The following OR2L13 variants were observed in gnomAD, a reference collection of about 807,000 sequenced individuals.
OR2L13 encodes olfactory receptor 2L13.
A neutral mutation model predicts 15.3 loss-of-function variants in OR2L13; 14 were observed. The ratio of observed to expected loss-of-function variants is 0.91; its 90% CI spans 0.60 to 1.43. The LOEUF is 1.43. Among genes scored for constraint, OR2L13 ranks in the 40% most tolerant of loss-of-function variants. The pLI is 0.00. For missense variants in OR2L13, 367 were observed against 387.9 expected, an observed-to-expected ratio of 0.95 and a Z score of 0.45; for synonymous variants, 152 against 142.9, an observed-to-expected ratio of 1.06 and a Z score of -0.45.
chr1:248,084,107 G>A, the OR2L13 span: 1 of 1,611,720 alleles, frequency 6.2e-7, no homozygotes, highest in Non-Finnish European at 8.5e-7. Context: ...AATATGGGAA[G>A]CTCAGGGTAG....
chr1:247,943,929 A>G, the OR2L13 span, among the ~76,000 whole-genome samples: 1 of 152,178 alleles, frequency 6.6e-6, no homozygotes. Flanking sequence ...AACACCATTT[A>G]TCGAAAAGAC....
At chr1:248,061,639 G>T in the OR2L13 span, 7 of 1,596,234 alleles carry the variant, frequency 4.4e-6, no homozygotes, top group Non-Finnish European at 6.0e-6. Context: ...TCTACCTAAG[G>T]TCTCAGGACT....
chr1:247,991,254 G>T, the OR2L13 span: 2 of 1,236,148 alleles, frequency 1.6e-6, no homozygotes, highest in Non-Finnish European at 1.1e-6. Flanking sequence ...TATCAACTCA[G>T]CAGTGTACGG....
At chr1:248,074,646 G>C in the OR2L13 span, among the ~76,000 whole-genome samples, 1 of 152,124 alleles carries the variant, frequency 6.6e-6, no homozygotes, top group African/African-American at 2.4e-5. Flanking sequence ...AAGGACACAT[G>C]CATGGTAACA....
chr1:248,049,088 G>A, the OR2L13 span, among the ~76,000 whole-genome samples: 1 of 152,042 alleles, frequency 6.6e-6, no homozygotes, highest in South Asian at 2.1e-4. Context: ...GTGCCTCCGT[G>A]GAAAACTGCA....
chr1:248,093,251 A>G (rs539091589), upstream of OR2L13, among the ~76,000 whole-genome samples: 1 of 152,340 alleles, frequency 6.6e-6, no homozygotes, highest in South Asian at 2.1e-4. Context: ...GAAAGTCTGC[A>G]GAGAACAAGA....
At chr1:247,948,759 A>G in the OR2L13 span, 1 of 958,784 alleles carries the variant, frequency 1.0e-6, no homozygotes, top group Non-Finnish European at 1.6e-6. Flanking sequence ...TCAAACATCC[A>G]CTGGGGGGGC....
At chr1:248,015,485 CT>C in the OR2L13 span, among the ~76,000 whole-genome samples, 68 of 152,272 alleles carry the variant, frequency 4.5e-4, no homozygotes, top group African/African-American at 1.5e-3. Context: ...GGAATTCAGG[CT>C]GACTTACGAA....
chr1:248,100,639 C>T (rs1664839187), exon 3 of OR2L13: 1 of 171,712 alleles, frequency 5.8e-6, no homozygotes, highest in African/African-American at 2.4e-5. Flanking sequence ...TGTAATAACA[C>T]AAATTTGTTA....
the OR2L13 span, among the ~76,000 whole-genome samples, chr1:248,019,726 C>CT: frequency 6.7e-6 from 1 of 150,038 alleles, no homozygotes; most frequent in Non-Finnish European, 1.5e-5. Context: ...CGTCCTCCTC[C>CT]TCCTTCCTTC....
At chr1:247,999,738 C>T in the OR2L13 span, among the ~76,000 whole-genome samples, 2 of 152,260 alleles carry the variant, frequency 1.3e-5, no homozygotes, top group South Asian at 2.1e-4. Context: ...TAGACAAGTG[C>T]TGTCAATGTG....
the OR2L13 span, chr1:247,965,476 CT>C: frequency 6.2e-7 from 1 of 1,613,894 alleles, no homozygotes; most frequent in Non-Finnish European, 8.5e-7. Flanking sequence ...CATTGCCACC[CT>C]CTTTACAGTT....
chr1:248,019,776 G>C, the OR2L13 span, among the ~76,000 whole-genome samples: 2 of 149,560 alleles, frequency 1.3e-5, no homozygotes, highest in Non-Finnish European at 3.0e-5. Flanking sequence ...TCTTTGTCTT[G>C]TTCTGCTTCT....
chr1:247,970,284 C>T, the OR2L13 span, among the ~76,000 whole-genome samples: 66 of 152,100 alleles, frequency 4.3e-4, 1 homozygote, highest in East Asian at 9.7e-3. Flanking sequence ...AACATGTATA[C>T]GTATGTAACT....
the OR2L13 span, among the ~76,000 whole-genome samples, chr1:248,044,729 G>C: frequency 1.1e-5 from 1 of 92,648 alleles, no homozygotes; most frequent in Non-Finnish European, 1.9e-5. Context: ...CGTGAACCCG[G>C]GAAGCGGAGC....
chr1:247,960,081 T>G, the OR2L13 span, among the ~76,000 whole-genome samples: 1 of 152,180 alleles, frequency 6.6e-6, no homozygotes, highest in Non-Finnish European at 1.5e-5. Flanking sequence ...TTATCTACCT[T>G]TGGTCTTTGA....
chr1:248,052,528 G>A, the OR2L13 span, among the ~76,000 whole-genome samples: 1 of 152,016 alleles, frequency 6.6e-6, no homozygotes, highest in Admixed American at 6.6e-5. Context: ...GGAGGTTGAG[G>A]CCATGCTGGC....
the OR2L13 span, among the ~76,000 whole-genome samples, chr1:247,962,246 G>A: frequency 4.6e-5 from 7 of 152,168 alleles, no homozygotes; most frequent in African/African-American, 1.7e-4. Flanking sequence ...TGCCAATTAG[G>A]TAATTGCAAA....
upstream of OR2L13, among the ~76,000 whole-genome samples, chr1:248,093,292 G>C (rs1233055545): frequency 6.6e-6 from 1 of 152,162 alleles, no homozygotes; most frequent in African/African-American, 2.4e-5. Context: ...AGGGCCATGA[G>C]ATTTGTATTC....
Sources: gnomAD v4.1 joint callset for allele counts (sites outside exome capture counted in the v4.1 genomes callset) on GRCh38, gnomAD v4.1.1 for gene constraint, MANE v1.5 for transcripts, NCBI Gene and HGNC (gene_info 2026-07-23, HGNC 2026-07-21) for gene names.